The following XKR9 variants were observed in gnomAD, a reference collection of about 807,000 sequenced individuals.
The protein encoded by XKR9 is XK related 9, also known as XK-related protein 9.
XKR9 carries 32 observed loss-of-function variants against 32.0 expected under a neutral mutation model. That is an observed-to-expected ratio of 1.00 (90% CI 0.76 to 1.34). The LOEUF is 1.34. Among genes scored for constraint, XKR9 ranks in the 40% most tolerant of loss-of-function variants. The pLI, the probability that XKR9 is intolerant of heterozygous loss-of-function variation, is 0.00. For missense variants in XKR9, 546 were observed against 429.7 expected (o/e 1.27, Z -2.39); for synonymous variants, 168 against 143.4 (o/e 1.17, Z -1.22).
chr8:70,761,135 C>T (rs991163255), intron 2 of XKR9, among the ~76,000 whole-genome samples: 3 of 152,192 alleles, frequency 2.0e-5, no homozygotes, highest in Non-Finnish European at 4.4e-5. Flanking sequence ...TAGGTTGATT[C>T]CATGTCTTTG....
the XKR9 span, among the ~76,000 whole-genome samples, chr8:70,913,662 G>A: frequency 1.3e-5 from 2 of 152,056 alleles, no homozygotes; most frequent in Non-Finnish European, 2.9e-5. Flanking sequence ...CATACAGCAG[G>A]ATGAATTGTC....
chr8:70,876,369 C>A, the XKR9 span, among the ~76,000 whole-genome samples: 5 of 151,656 alleles, frequency 3.3e-5, no homozygotes, highest in Admixed American at 6.6e-5. Context: ...GCACCACCAC[C>A]CCCAGCTAAT....
At chr8:70,918,830 T>TGCA in the XKR9 span, among the ~76,000 whole-genome samples, 1 of 120,770 alleles carries the variant, frequency 8.3e-6, no homozygotes, top group Non-Finnish European at 1.6e-5. Flanking sequence ...CAGGCTGGAG[T>TGCA]GCAGTGGCGC....
At chr8:70,995,986 T>C in the XKR9 span, among the ~76,000 whole-genome samples, 1 of 145,172 alleles carries the variant, frequency 6.9e-6, no homozygotes, top group Non-Finnish European at 1.6e-5. Context: ...CATTCTTAAC[T>C]GAGAACCCAC....
the XKR9 span, among the ~76,000 whole-genome samples, chr8:70,878,480 GC>G: frequency 6.6e-6 from 1 of 150,986 alleles, no homozygotes; most frequent in Admixed American, 6.6e-5. Context: ...CAAATGGAAA[GC>G]AAAAAAAAAG....
intron 2 of XKR9, among the ~76,000 whole-genome samples, chr8:70,749,631 C>T (rs1807108491): frequency 6.6e-6 from 1 of 152,230 alleles, no homozygotes; most frequent in Non-Finnish European, 1.5e-5. Context: ...CACCTCTCAC[C>T]ACTCTGTGCC....
the XKR9 span, among the ~76,000 whole-genome samples, chr8:70,881,823 T>G: frequency 1.3e-5 from 2 of 152,234 alleles, no homozygotes; most frequent in African/African-American, 2.4e-5. Flanking sequence ...AACGTATGTT[T>G]ATTGCGGCAC....
the XKR9 span, among the ~76,000 whole-genome samples, chr8:70,854,443 T>C: frequency 1.3e-4 from 20 of 152,176 alleles, no homozygotes; most frequent in African/African-American, 4.8e-4. Context: ...GATGAGTAGA[T>C]TGCAAAAATT....
At chr8:70,986,708 A>C in the XKR9 span, among the ~76,000 whole-genome samples, 1 of 152,212 alleles carries the variant, frequency 6.6e-6, no homozygotes, top group South Asian at 2.1e-4. Context: ...TATATTTTTA[A>C]AACACTTCTT....
chr8:70,899,929 C>T, the XKR9 span, among the ~76,000 whole-genome samples: 1 of 152,046 alleles, frequency 6.6e-6, no homozygotes, highest in South Asian at 2.1e-4. Context: ...CTGTAGAGTG[C>T]ATTTCTAGCT....
the XKR9 span, among the ~76,000 whole-genome samples, chr8:70,915,826 G>A: frequency 2.6e-5 from 4 of 152,244 alleles, no homozygotes; most frequent in Admixed American, 2.0e-4. Context: ...CTTTTGTGGA[G>A]GAGACTTGCA....
At chr8:70,745,750 G>T (rs1170979216) in intron 2 of XKR9, among the ~76,000 whole-genome samples, 1 of 152,126 alleles carries the variant, frequency 6.6e-6, no homozygotes, top group Non-Finnish European at 1.5e-5. Flanking sequence ...TTTGTTCCCT[G>T]GTTTATGGGA....
At chr8:70,767,449 C>A (rs967276456) in intron 2 of XKR9, among the ~76,000 whole-genome samples, 2 of 150,320 alleles carry the variant, frequency 1.3e-5, no homozygotes, top group African/African-American at 4.9e-5. Flanking sequence ...GGTGATACCC[C>A]CTTTATCATT....
At position 70,706,955 on chromosome 8, in the gene XKR9, G is replaced by T. The variant is rs1563437284; in HGVS notation, c.295G>T (p.Gly99Cys). ...TAGGTATTGGTTTGCCTTAAAAAGG[G>T]GTTACCATGCAGCTTTTAAATATGA... is the stretch of plus-strand genomic sequence containing the variant. The part of the protein sequence containing the change: ...FTRYWFALKR[G>C]YHAAFKYDSN... Residue 99 changes from glycine to cysteine, a missense_variant, in exon 4 of 5, where the codon GGT becomes TGT. By Grantham distance (159) the Gly-to-Cys change is radical. Transcript: ENST00000408926. 1.2e-6 allele frequency: 2 copies of T among 1,612,190 alleles called. No homozygotes were observed. The highest frequency in any genetic ancestry group is 1.7e-6 in the Non-Finnish European group (2 of 1,178,878).
chr8:70,691,000 A>G (rs1311587061), intron 3 of XKR9, among the ~76,000 whole-genome samples: 1 of 152,164 alleles, frequency 6.6e-6, no homozygotes, highest in Non-Finnish European at 1.5e-5. Context: ...CAGTTCCTCA[A>G]TGGTTGAACT....
At chr8:70,882,272 A>C in the XKR9 span, among the ~76,000 whole-genome samples, 48,257 of 151,768 alleles carry the variant, frequency 0.32, 8,987 homozygotes, top group Non-Finnish European at 0.43. Flanking sequence ...ATAAAAAATA[A>C]ATAAAATAAA....
At chr8:70,765,027 G>C (rs562944862) in intron 2 of XKR9, among the ~76,000 whole-genome samples, 2 of 152,224 alleles carry the variant, frequency 1.3e-5, no homozygotes, top group South Asian at 2.1e-4. Flanking sequence ...AGTCTTTGCT[G>C]TTGTGAATAG....
intron 2 of XKR9, among the ~76,000 whole-genome samples, chr8:70,755,411 A>G (rs550110737): frequency 5.9e-5 from 9 of 152,322 alleles, no homozygotes; most frequent in Non-Finnish European, 4.4e-5. Context: ...ATTACTGGGT[A>G]TATACCCAAA....
At chr8:70,977,241 C>A in the XKR9 span, among the ~76,000 whole-genome samples, 2 of 152,130 alleles carry the variant, frequency 1.3e-5, no homozygotes, top group Non-Finnish European at 2.9e-5. Context: ...CTATCTCCTT[C>A]AGTTCTGCTC....
Sources: gnomAD v4.1 joint callset for allele counts (sites outside exome capture counted in the v4.1 genomes callset) on GRCh38, gnomAD v4.1.1 for gene constraint, MANE v1.5 for transcripts, NCBI Gene and HGNC (gene_info 2026-07-23, HGNC 2026-07-21) for gene names.